The following CFAP99 variants were observed in gnomAD, a reference collection of about 807,000 sequenced individuals.
CFAP99 encodes cilia and flagella associated protein 99.
Under a neutral mutation model 82.7 loss-of-function variants are expected in CFAP99, and 84 were observed. The observed-to-expected ratio is 1.02, with a 90% CI of 0.85 to 1.22. The LOEUF (loss-of-function observed/expected upper bound fraction) is 1.22, where lower values mean the gene tolerates loss of function less well. Ranked by LOEUF, CFAP99 falls within the 50% of genes most tolerant of loss-of-function variation. The probability of loss-of-function intolerance (pLI) is 0.00; values close to 1 mark genes in which losing one functional copy is unlikely to be tolerated. For synonymous variants in CFAP99, 456 were observed against 429.5 expected, an observed-to-expected ratio of 1.06 and a Z score of -0.76; for missense variants, 1,059 against 983.5, an observed-to-expected ratio of 1.08 and a Z score of -1.03.
In CFAP99 at chr4:2,462,923, C is replaced by G. The variant is rs866744920; in HGVS notation, c.2142C>G (p.Ala714=). The change falls in exon 15 of 15, where the codon GCC becomes GCG. Residue 714 remains alanine (A), a synonymous_variant. Coordinates refer to ENST00000635017, the Ensembl canonical transcript of CFAP99. The surrounding 1 kb of genome is among the most constrained non-coding windows in gnomAD (Gnocchi z 4.1). ...GGCCCGCGCGCCGCCTGGAGGCCGCCTGAGCCGGGCCGAGCGCGCCCCACC... is the reference window on the plus strand; with the variant it reads ...GGCCCGCGCGCCGCCTGGAGGCCGCGTGAGCCGGGCCGAGCGCGCCCCACC... 3.1e-6 allele frequency: 4 copies of G among 1,290,528 alleles called. No homozygotes were observed. The highest frequency in any genetic ancestry group is 3.9e-6 in the Non-Finnish European group (4 of 1,025,398). 79.9% of individuals were successfully genotyped at this position (1,290,528 alleles called of 1,614,324 possible).
chr4:2,423,549 GTCTCTCT>G (rs923951702), intron 1 of CFAP99, among the ~76,000 whole-genome samples: 2 of 152,178 alleles, frequency 1.3e-5, no homozygotes, highest in African/African-American at 2.4e-5. Context: ...GGTGTGGGTG[GTCTCTCT>G]TCCATGGCCC....
chr4:2,425,656 G>C (rs1480301445), intron 1 of CFAP99, among the ~76,000 whole-genome samples: 3 of 152,196 alleles, frequency 2.0e-5, no homozygotes, highest in Non-Finnish European at 4.4e-5. Flanking sequence ...GCGTAGTCCA[G>C]CTGGAGCCCA....
intron 2 of CFAP99, 146 bp downstream of exon 2, chr4:2,426,732 C>G: frequency 1.6e-6 from 1 of 631,442 alleles, no homozygotes; most frequent in South Asian, 1.8e-5. Flanking sequence ...GAGACCTGCT[C>G]TTCGTATGGG....
chr4:2,421,147 A>G (rs1473274095), intron 1 of CFAP99, among the ~76,000 whole-genome samples: 1 of 152,242 alleles, frequency 6.6e-6, no homozygotes, highest in Non-Finnish European at 1.5e-5. Context: ...ACTTGGTAGC[A>G]ACCCTTAGGA....
intron 11 of CFAP99, among the ~76,000 whole-genome samples, chr4:2,456,121 C>G (rs1324321193): frequency 6.6e-6 from 1 of 152,146 alleles, no homozygotes; most frequent in Non-Finnish European, 1.5e-5. Context: ...CTCTGTGCCT[C>G]ATAGAAGCCA....
chr4:2,420,880 T>A (rs766510801), intron 1 of CFAP99, among the ~76,000 whole-genome samples: 1 of 152,198 alleles, frequency 6.6e-6, no homozygotes, highest in African/African-American at 2.4e-5. Context: ...AAGATGGATA[T>A]GCCTCTCTCG....
Position 2,447,279 on chromosome 4 carries a change from T to C in CFAP99, c.642+1971T>C, listed in dbSNP as rs76397314. On this transcript the variant is annotated intron_variant, in intron 6 of 14. Coordinates refer to ENST00000635017, the Ensembl canonical transcript of CFAP99. ...ATGACTGGATGGATGGATGGATGGA[T>C]GGACACATGGAAGGATAAGTGAATG... 8.8e-3 allele frequency among the ~76,000 whole-genome samples: 1,332 copies of C among 150,822 alleles called. 26 individuals are homozygous for C. Among genetic ancestry groups the C allele is most frequent in the African/African-American group, 0.032 (1,290 of 40,582 alleles).
At chr4:2,454,308 T>C (rs1232133152) in intron 11 of CFAP99, among the ~76,000 whole-genome samples, 1 of 152,036 alleles carries the variant, frequency 6.6e-6, no homozygotes, top group Non-Finnish European at 1.5e-5. Context: ...GCCTACTTTT[T>C]GTATTTTTAG....
intron 1 of CFAP99, among the ~76,000 whole-genome samples, chr4:2,419,996 G>C (rs1307572256): frequency 6.6e-6 from 1 of 151,908 alleles, no homozygotes; most frequent in Admixed American, 6.6e-5. Flanking sequence ...TCCGATGATC[G>C]GGGTCAGCGC....
At chr4:2,436,752 C>T (rs1733916677) in intron 2 of CFAP99, 122 bp from the exon 3 acceptor site, 3 of 775,360 alleles carry the variant, frequency 3.9e-6, no homozygotes, top group East Asian at 2.7e-5. Context: ...GGGGGCCCCA[C>T]TAACAGGCCC....
chr4:2,461,651 C>T (rs940212023), intron 14 of CFAP99, among the ~76,000 whole-genome samples: 10 of 152,276 alleles, frequency 6.6e-5, no homozygotes, highest in East Asian at 1.9e-4. Flanking sequence ...AAAGTTAGAG[C>T]GGGCTCAGGC....
chr4:2,456,187 T>G (rs540342907), intron 11 of CFAP99, among the ~76,000 whole-genome samples: 1 of 152,252 alleles, frequency 6.6e-6, no homozygotes, highest in South Asian at 2.1e-4. Flanking sequence ...TACCAGGTTT[T>G]TTTTGTTTTG....
At position 2,436,805 on chromosome 4, in the gene CFAP99, G is replaced by A; in HGVS notation, c.112-69G>A. 3 of 1,284,834 alleles carry A rather than the reference G, an allele frequency of 2.3e-6. No individual in the cohort carries two copies. In the South Asian group the frequency reaches 3.9e-5, roughly 17 times the overall value. The allele number at this position is 1,284,834 out of a possible 1,614,324, so 79.6% of individuals were successfully genotyped here. The stretch of plus-strand genomic sequence containing the variant: ...GCTCCACCCCTGCCTTTGCCCAAGT[G>A]TCCCACCCCCACCGCCGCCCTTTCC... On this transcript the variant is annotated intron_variant, in intron 2 of 14. Transcript: ENST00000635017.
intron 11 of CFAP99, among the ~76,000 whole-genome samples, chr4:2,453,004 A>G (rs963076130): frequency 6.6e-6 from 1 of 152,196 alleles, no homozygotes; most frequent in Non-Finnish European, 1.5e-5. Flanking sequence ...TCAAGGTTGC[A>G]GTGAGCCGTG....
At position 2,462,723 on chromosome 4, in the gene CFAP99, C is replaced by A; in HGVS notation, c.1942C>A (p.Arg648=). Residue 648 remains arginine, a synonymous_variant, in exon 15 of 15, where the codon CGG becomes AGG. Transcript: ENST00000635017. The surrounding 1 kb of genome is among the most constrained non-coding windows in gnomAD (Gnocchi z 4.1). Reference sequence around the variant, plus strand: ...GCGGGGATGGCGGGGAGATCGGGTCCGGTCCGCGGCCGGGAGATACGCAGC... The same window carrying A: ...GCGGGGATGGCGGGGAGATCGGGTCAGGTCCGCGGCCGGGAGATACGCAGC... 8.0e-7 allele frequency: 1 copy of A among 1,242,252 alleles called. No individual in the cohort carries two copies. Among genetic ancestry groups the A allele is most frequent in the Non-Finnish European group, 1.0e-6 (1 of 990,034 alleles). 77.0% of individuals were successfully genotyped at this position (1,242,252 alleles called of 1,614,324 possible). A position where few individuals can be genotyped will look rare whatever the true frequency, so the allele number is the denominator to read the frequency against.
At position 2,422,567 on chromosome 4, in the gene CFAP99, C is replaced by T. The variant is rs534199166; in HGVS notation, c.-18+3474C>T. Among the ~76,000 whole-genome samples the T allele has an allele frequency of 6.6e-5, 10 of 152,300 alleles. No homozygotes were observed. The East Asian group carries it at 1.9e-3, about 29-fold the overall frequency. ...AGGGGGAGACGGCAGGGAAACTGTT[C>T]CACCTTGGCAGCAGCTCCCACCACA... is the stretch of plus-strand genomic sequence containing the variant. On this transcript the variant is annotated intron_variant, in intron 1 of 14. Coordinates refer to ENST00000635017, the Ensembl canonical transcript of CFAP99.
At chr4:2,443,231 C>A (rs1316576001) in exon 5 of CFAP99, 5 of 1,533,600 alleles carry the variant, frequency 3.3e-6, no homozygotes, top group Non-Finnish European at 3.5e-6. Context: ...ACTGGATCGA[C>A]CCCCTGATGA....
At chr4:2,419,901 C>A (rs1400036579) in intron 1 of CFAP99, among the ~76,000 whole-genome samples, 1 of 152,132 alleles carries the variant, frequency 6.6e-6, no homozygotes, top group Admixed American at 6.5e-5. Flanking sequence ...CTTGTTCTTT[C>A]TGGAAACTAC....
chr4:2,446,518 G>A lies in CFAP99; in HGVS notation c.642+1210G>A, dbSNP rs544087234. Among the ~76,000 whole-genome samples, 225 of 152,148 alleles carry A rather than the reference G, an allele frequency of 1.5e-3. No homozygotes were observed. Among genetic ancestry groups the A allele is most frequent in the Non-Finnish European group, 1.5e-3 (103 of 67,992 alleles). Reference sequence around the variant, plus strand: ...AGTGATTCTCCTGCCTCAGCCCCCCGAGTAGCTGGGATTACAGGTACCGGC... The same window carrying A: ...AGTGATTCTCCTGCCTCAGCCCCCCAAGTAGCTGGGATTACAGGTACCGGC... On this transcript the variant is annotated intron_variant, in intron 6 of 14. Coordinates refer to ENST00000635017, the Ensembl canonical transcript of CFAP99. This position sits in a 1 kb window ranked among gnomAD's most constrained non-coding sequence, Gnocchi z 5.0.
Sources: allele counts gnomAD v4.1 joint callset (sites outside exome capture counted in the v4.1 genomes callset), GRCh38; gene constraint gnomAD v4.1.1; non-coding constraint Gnocchi (gnomAD v3.1); transcripts MANE v1.5; gene names NCBI Gene and HGNC (gene_info 2026-07-23, HGNC 2026-07-21).